The following DOK5 variants were observed in gnomAD, a reference collection of about 807,000 sequenced individuals.
DOK5 encodes docking protein 5.
DOK5 carries 27 observed loss-of-function variants against 43.3 expected under a neutral mutation model. That is an observed-to-expected ratio of 0.62 (90% CI 0.46 to 0.86). The LOEUF is 0.86. Ranked by LOEUF, DOK5 falls within the 40% of genes least tolerant of loss-of-function variation. DOK5 has a pLI of 0.00. For missense variants in DOK5, 373 were observed against 392.9 expected (o/e 0.95, Z 0.43); for synonymous variants, 146 against 140.1 (o/e 1.04, Z -0.30).
At chr20:54,574,056 G>C (rs1238093119) in intron 2 of DOK5, among the ~76,000 whole-genome samples, 1 of 152,158 alleles carries the variant, frequency 6.6e-6, no homozygotes, top group Non-Finnish European at 1.5e-5. Flanking sequence ...CACTGACAAA[G>C]TAGCCTTCTG....
chr20:54,580,685 G>T (rs1254198668), intron 2 of DOK5, among the ~76,000 whole-genome samples: 2 of 152,068 alleles, frequency 1.3e-5, no homozygotes, highest in African/African-American at 4.8e-5. Context: ...TCTTTGAATA[G>T]ACATTTGCCC....
chr20:54,630,323 T>A (rs1026867371), intron 6 of DOK5, among the ~76,000 whole-genome samples: 2 of 152,184 alleles, frequency 1.3e-5, no homozygotes, highest in South Asian at 4.1e-4. Flanking sequence ...ATAGTCAATC[T>A]CAAGATTGTA....
intron 1 of DOK5, among the ~76,000 whole-genome samples, chr20:54,495,618 C>T (rs1480799967): frequency 6.6e-6 from 1 of 152,182 alleles, no homozygotes; most frequent in African/African-American, 2.4e-5. Flanking sequence ...TGGCTGGGCG[C>T]AGTGGCTCAC....
At chr20:54,503,502 G>A (rs755694339) in intron 1 of DOK5, among the ~76,000 whole-genome samples, 5 of 129,372 alleles carry the variant, frequency 3.9e-5, no homozygotes, top group African/African-American at 5.0e-5. Flanking sequence ...TTTCCCAAAT[G>A]TCATTTATTC....
intron 6 of DOK5, among the ~76,000 whole-genome samples, chr20:54,634,435 T>A (rs1484117113): frequency 7.3e-6 from 1 of 137,342 alleles, no homozygotes; most frequent in Non-Finnish European, 1.5e-5. Context: ...CATCATATCA[T>A]GCTTTTTTTT....
At position 54,495,002 on chromosome 20, in the gene DOK5, C is replaced by T. The variant is rs1410014405; in HGVS notation, c.66+18990C>T. 9.2e-5 allele frequency: 14 copies of T among 151,858 alleles called. No homozygotes were observed. In the East Asian group the frequency reaches 2.5e-3, roughly 27 times the overall value. 9.4% of individuals were successfully genotyped at this position (151,858 alleles called of 1,614,324 possible). On this transcript the variant is annotated intron_variant, in intron 1 of 7. Coordinates refer to ENST00000262593, the MANE Select transcript of DOK5 (RefSeq NM_018431.5). ...GGCCCATGGTTCTCCCTTTATTTTA[C>T]TCAATGTTCTCAAAACTAAAATGGC...
At chr20:54,596,849 A>G (rs1986156424) in intron 5 of DOK5, among the ~76,000 whole-genome samples, 1 of 152,154 alleles carries the variant, frequency 6.6e-6, no homozygotes, top group African/African-American at 2.4e-5. Flanking sequence ...TGATAATCCC[A>G]GGTTTTATGT....
chr20:54,633,489 A>G (rs1200004165), intron 6 of DOK5, among the ~76,000 whole-genome samples: 1 of 152,190 alleles, frequency 6.6e-6, no homozygotes, highest in East Asian at 1.9e-4. Context: ...TGCTTGAAAT[A>G]TTGATAGAAA....
chr20:54,478,758 A>G (rs917792380), intron 1 of DOK5, among the ~76,000 whole-genome samples: 1 of 152,170 alleles, frequency 6.6e-6, no homozygotes, highest in African/African-American at 2.4e-5. Context: ...ACACTATTTA[A>G]TGTTCTTGGG....
intron 5 of DOK5, among the ~76,000 whole-genome samples, chr20:54,599,249 G>T: frequency 6.6e-6 from 1 of 152,160 alleles, no homozygotes; most frequent in East Asian, 1.9e-4. Context: ...ACACAAGTTT[G>T]CTCAGGAGAA....
At chr20:54,482,744 G>C (rs969514908) in intron 1 of DOK5, among the ~76,000 whole-genome samples, 2 of 152,156 alleles carry the variant, frequency 1.3e-5, no homozygotes, top group Admixed American at 1.3e-4. Context: ...TGATCCACCC[G>C]TTTCAGCCTC....
At chr20:54,479,057 T>C (rs1482729297) in intron 1 of DOK5, among the ~76,000 whole-genome samples, 1 of 152,126 alleles carries the variant, frequency 6.6e-6, no homozygotes, top group Non-Finnish European at 1.5e-5. Flanking sequence ...TTGTATAATA[T>C]ATAATATACG....
At chr20:54,587,511 G>T (rs944712933) in intron 2 of DOK5, among the ~76,000 whole-genome samples, 1 of 152,076 alleles carries the variant, frequency 6.6e-6, no homozygotes, top group Non-Finnish European at 1.5e-5. Flanking sequence ...TGAAAGGGAG[G>T]TTAAACTTGT....
intron 1 of DOK5, among the ~76,000 whole-genome samples, chr20:54,532,401 C>G (rs1267554936): frequency 6.6e-6 from 1 of 152,114 alleles, no homozygotes; most frequent in Non-Finnish European, 1.5e-5. Context: ...GAGAGGTTTC[C>G]TAGAACAAGT....
At chr20:54,641,185 G>A (rs978468045) in intron 6 of DOK5, among the ~76,000 whole-genome samples, 4 of 152,136 alleles carry the variant, frequency 2.6e-5, no homozygotes, top group African/African-American at 9.7e-5. Flanking sequence ...TTATTTTTAG[G>A]AAAAGTTATC....
chr20:54,550,037 A>G (rs1400229235), intron 1 of DOK5, among the ~76,000 whole-genome samples: 1 of 152,212 alleles, frequency 6.6e-6, no homozygotes, highest in Non-Finnish European at 1.5e-5. Context: ...TCTCCTTGAC[A>G]ACCATAGTAC....
intron 5 of DOK5, among the ~76,000 whole-genome samples, chr20:54,600,530 A>G (rs1408090106): frequency 6.6e-6 from 1 of 152,072 alleles, no homozygotes; most frequent in Non-Finnish European, 1.5e-5. Context: ...GCATGGGAGG[A>G]TGGAGTCCAG....
At position 54,643,511 on chromosome 20, in the gene DOK5, G is replaced by A. The variant is rs370151618; in HGVS notation, c.789G>A (p.Leu263=). ...RAASLSTMVP[L]PRSAYWQHIT... Reference sequence around the variant, plus strand: ...CCTCGCTGAGCACCATGGTGCCCCTGCCTCGCAGCGCCTACTGGCAGCACA... The same window carrying A: ...CCTCGCTGAGCACCATGGTGCCCCTACCTCGCAGCGCCTACTGGCAGCACA... The change falls in exon 7 of 8, where the codon CTG becomes CTA. Residue 263 remains leucine, a synonymous_variant. Coordinates refer to ENST00000262593, the MANE Select transcript of DOK5 (RefSeq NM_018431.5). 5.0e-6 allele frequency: 8 copies of A among 1,613,450 alleles called. No homozygotes were observed. Among genetic ancestry groups the A allele is most frequent in the South Asian group, 1.1e-5 (1 of 91,086 alleles).
intron 6 of DOK5, among the ~76,000 whole-genome samples, chr20:54,622,909 G>A (rs1987026930): frequency 6.6e-6 from 1 of 152,142 alleles, no homozygotes; most frequent in Non-Finnish European, 1.5e-5. Context: ...AAGTCAAGGA[G>A]TAAGTTTAAA....
Sources: gnomAD v4.1 joint callset for allele counts (sites outside exome capture counted in the v4.1 genomes callset) on GRCh38, gnomAD v4.1.1 for gene constraint, MANE v1.5 for transcripts, NCBI Gene and HGNC (gene_info 2026-07-23, HGNC 2026-07-21) for gene names.